Variants in ITGA8 observed in about 807,000 individuals in gnomAD.
ITGA8 encodes the protein integrin alpha-8.
In ITGA8, 91 loss-of-function variants were observed where a neutral mutation model predicts 142.3. That is an observed-to-expected ratio of 0.64 (90% confidence interval 0.54 to 0.76). ITGA8 has a LOEUF of 0.76. Among genes scored for constraint, ITGA8 ranks in the 30% least tolerant of loss-of-function variants. The probability of loss-of-function intolerance (pLI) is 0.00; values close to 1 mark genes in which losing one functional copy is unlikely to be tolerated. For synonymous variants in ITGA8, 505 were observed against 485.2 expected, an observed-to-expected ratio of 1.04 and a Z score of -0.54; for missense variants, 1,406 against 1,327.7, an observed-to-expected ratio of 1.06 and a Z score of -0.92.
At chr10:15,644,351 C>A in intron 12 of ITGA8, 130 bp from the exon 13 acceptor site, 1 of 780,926 alleles carries the variant, frequency 1.3e-6, no homozygotes, top group East Asian at 2.8e-5. Flanking sequence ...CACCGCAGCC[C>A]CACACTCCCG....
chr10:15,713,825 C>T (rs1246270306), intron 2 of ITGA8, among the ~76,000 whole-genome samples: 1 of 152,162 alleles, frequency 6.6e-6, no homozygotes, highest in Non-Finnish European at 1.5e-5. Context: ...ATATCCTAAT[C>T]CAATTGTCTT....
intron 2 of ITGA8, among the ~76,000 whole-genome samples, chr10:15,702,584 C>T (rs557820286): frequency 2.6e-5 from 4 of 152,140 alleles, no homozygotes; most frequent in Non-Finnish European, 4.4e-5. Flanking sequence ...AGCCACCGCG[C>T]GTGGCCCACG....
At chr10:15,619,984 T>A (rs745326359) in intron 13 of ITGA8, among the ~76,000 whole-genome samples, 56 of 152,248 alleles carry the variant, frequency 3.7e-4, no homozygotes, top group Non-Finnish European at 6.9e-4. Context: ...TAAGAATTGA[T>A]TCTCTGGAAA....
chr10:15,528,477 T>C (rs1357652428), intron 28 of ITGA8, among the ~76,000 whole-genome samples: 3 of 151,196 alleles, frequency 2.0e-5, no homozygotes, highest in Admixed American at 6.6e-5. Context: ...ATAACTGATG[T>C]GGTAAATCAC....
At chr10:15,605,914 A>C (rs1588670927) in intron 18 of ITGA8, 123 bp from the exon 19 acceptor site, 2 of 800,962 alleles carry the variant, frequency 2.5e-6, no homozygotes. Context: ...GCATGACTCT[A>C]CCCAAGCCAA....
chr10:15,684,781 C>G (rs1419340008), intron 3 of ITGA8, among the ~76,000 whole-genome samples: 1 of 152,070 alleles, frequency 6.6e-6, no homozygotes, highest in African/African-American at 2.4e-5. Flanking sequence ...TACATAAAAG[C>G]AAATGATCAT....
intron 2 of ITGA8, among the ~76,000 whole-genome samples, chr10:15,717,105 T>C (rs938612309): frequency 3.3e-5 from 5 of 152,196 alleles, no homozygotes; most frequent in African/African-American, 1.2e-4. Context: ...AGTAAGTCAG[T>C]TGTAACTTAT....
chr10:15,674,683 G>GTAAATGCCTGTAATCCTGTAATGCCTGTA (rs1373624507), intron 6 of ITGA8, among the ~76,000 whole-genome samples: 1 of 152,132 alleles, frequency 6.6e-6, no homozygotes, highest in Non-Finnish European at 1.5e-5. Context: ...TGTAATCCCA[G>GTAAATGCCTGTAATCCTGTAATGCCTGTA]AACTCTGGGA....
At chr10:15,615,440 C>A (rs1214723436) in intron 14 of ITGA8, among the ~76,000 whole-genome samples, 1 of 152,218 alleles carries the variant, frequency 6.6e-6, no homozygotes, top group Non-Finnish European at 1.5e-5. Context: ...ACCTAGTACA[C>A]CCAGGTATGC....
intron 2 of ITGA8, among the ~76,000 whole-genome samples, chr10:15,697,467 T>C (rs879759297): frequency 5.9e-5 from 9 of 152,192 alleles, no homozygotes; most frequent in Non-Finnish European, 1.2e-4. Context: ...GAATTAAATG[T>C]ATGTGTTTCT....
Position 15,718,803 on chromosome 10 carries a change from C to A in ITGA8, c.306G>T (p.Gly102=), listed in dbSNP as rs754157690. Residue 102 remains glycine (G), a synonymous_variant, in exon 2 of 30, where the codon GGG becomes GGT. Transcript: ENST00000378076. ...AVYYCPWPAE[G]SAQCRQIPFD... The stretch of plus-strand genomic sequence containing the variant: ...ACGGTATCTGCCTGCACTGCGCAGA[C>A]CCCTCCGCGGGCCAAGGACAGTAAT... 1.4e-5 allele frequency: 23 copies of A among 1,614,188 alleles called. No individual in the cohort carries two copies. The highest frequency in any genetic ancestry group is 1.8e-5 in the Non-Finnish European group (21 of 1,180,038).
chr10:15,531,706 G>A (rs1165396715), intron 27 of ITGA8, among the ~76,000 whole-genome samples: 1 of 152,082 alleles, frequency 6.6e-6, no homozygotes, highest in African/African-American at 2.4e-5. Context: ...GGGAGGCCGA[G>A]GCCGGTGGAT....
intron 28 of ITGA8, among the ~76,000 whole-genome samples, chr10:15,524,720 C>G (rs563902494): frequency 6.6e-6 from 1 of 152,212 alleles, no homozygotes; most frequent in Admixed American, 6.5e-5. Context: ...TAACTGATCA[C>G]TTTTACAGGA....
chr10:15,552,925 C>T lies in ITGA8; in HGVS notation c.2767-4357G>A, dbSNP rs147650597. On this transcript the variant is annotated intron_variant, in intron 26 of 29. Transcript: ENST00000378076. ...TCCTAAAAGGAATAGTATATGGATTCCCTACTGTTATGTTTCTTAAACATT... is the reference window on the plus strand; with the variant it reads ...TCCTAAAAGGAATAGTATATGGATTTCCTACTGTTATGTTTCTTAAACATT... Among the ~76,000 whole-genome samples, 148 of 152,264 alleles carry T rather than the reference C, an allele frequency of 9.7e-4. 3 individuals carry two copies. The East Asian group carries it at 0.027, about 27-fold the overall frequency.
chr10:15,644,829 C>G (rs1000519244), intron 12 of ITGA8, among the ~76,000 whole-genome samples: 2 of 151,750 alleles, frequency 1.3e-5, no homozygotes, highest in African/African-American at 2.4e-5. Flanking sequence ...CGCGGTGGCT[C>G]ACACCTGTAA....
At chr10:15,694,179 TATATC>T (rs1451582652) in intron 2 of ITGA8, among the ~76,000 whole-genome samples, 10 of 140,352 alleles carry the variant, frequency 7.1e-5, no homozygotes, top group East Asian at 6.1e-4. Flanking sequence ...TATCAGATAA[TATATC>T]ATATATATGA....
At chr10:15,557,107 A>G (rs4750673) in intron 26 of ITGA8, among the ~76,000 whole-genome samples, 44,121 of 152,130 alleles carry the variant, frequency 0.29, 6,785 homozygotes, top group Non-Finnish European at 0.34. Flanking sequence ...CTGACCGGGC[A>G]TGGTGGCTCA....
chr10:15,674,236 C>G (rs897150321), intron 6 of ITGA8, among the ~76,000 whole-genome samples: 3 of 152,206 alleles, frequency 2.0e-5, no homozygotes, highest in Non-Finnish European at 2.9e-5. Context: ...TGGGTTACAG[C>G]TAAATACCCT....
Position 15,606,512 on chromosome 10 carries a change from T to C in ITGA8, c.1765-90A>G. 2.4e-6 allele frequency: 3 copies of C among 1,239,064 alleles called. No individual in the cohort carries two copies. The South Asian group carries it at 4.3e-5, about 18-fold the overall frequency. 76.8% of individuals were successfully genotyped at this position (1,239,064 alleles called of 1,614,324 possible). ...AAAGTCAGGCAACACTGGAATTTAC[T>C]CAATGAAAGTGAATGATGAAACAAT... On this transcript the variant is annotated intron_variant, in intron 17 of 29. Coordinates refer to ENST00000378076, the MANE Select transcript of ITGA8 (RefSeq NM_003638.3).
Sources: allele counts gnomAD v4.1 joint callset (sites outside exome capture counted in the v4.1 genomes callset), GRCh38; gene constraint gnomAD v4.1.1; transcripts MANE v1.5; gene names NCBI Gene and HGNC (gene_info 2026-07-23, HGNC 2026-07-21).